The following NUP98 variants were observed in gnomAD, a reference collection of about 807,000 sequenced individuals.
NUP98 encodes nucleoporin 98 and 96 precursor, also known as nuclear pore complex protein Nup98-Nup96.
NUP98 carries 26 observed loss-of-function variants against 191.9 expected under a neutral mutation model. The ratio of observed to expected loss-of-function variants is 0.14; its 90% CI spans 0.10 to 0.19. NUP98 has a LOEUF of 0.19. Among genes scored for constraint, NUP98 ranks in the 10% least tolerant of loss-of-function variants. The pLI is 1.00. For synonymous variants in NUP98, 808 were observed against 778.4 expected, an observed-to-expected ratio of 1.04 and a Z score of -0.63; for missense variants, 1,941 against 2,178.8, an observed-to-expected ratio of 0.89 and a Z score of 2.17.
intron 1 of NUP98, among the ~76,000 whole-genome samples, chr11:3,786,082 T>G (rs1031921852): frequency 1.6e-4 from 24 of 152,294 alleles, no homozygotes; most frequent in African/African-American, 5.5e-4. Flanking sequence ...GTAGGTATTT[T>G]TATCTCTATT....
At chr11:3,775,847 A>G in intron 5 of NUP98, 35 bp downstream of exon 5, 1 of 1,599,318 alleles carries the variant, frequency 6.3e-7, no homozygotes, top group Non-Finnish European at 8.5e-7. Flanking sequence ...CATGCGGGAA[A>G]AAACATTCCA....
At position 3,735,343 on chromosome 11, in the gene NUP98, G is replaced by T; in HGVS notation, c.1409-19C>A. The stretch of plus-strand genomic sequence containing the variant: ...GTCAAAGCTTTTAAAAAAAAAAAAA[G>T]AAAACAAAATATATATATATATATA... On this transcript the variant is annotated intron_variant, in intron 12 of 32. Transcript: ENST00000324932. The T allele has an allele frequency of 8.2e-7, 1 of 1,217,856 alleles. No individual in the cohort carries two copies. Among genetic ancestry groups the T allele is most frequent in the Non-Finnish European group, 1.1e-6 (1 of 921,282 alleles). The allele number at this position is 1,217,856 out of a possible 1,614,324, so 75.4% of individuals were successfully genotyped here.
chr11:3,773,605 T>C, intron 6 of NUP98, 27 bp downstream of exon 6: 1 of 1,351,714 alleles, frequency 7.4e-7, no homozygotes, highest in Non-Finnish European at 1.0e-6. Flanking sequence ...AAGGTTAGAC[T>C]GACATTCTGT....
At chr11:3,757,286 C>T (rs1360324698) in intron 10 of NUP98, among the ~76,000 whole-genome samples, 3 of 151,678 alleles carry the variant, frequency 2.0e-5, no homozygotes, top group African/African-American at 4.8e-5. Flanking sequence ...CTCAGGAGTT[C>T]GAGGCCAGCC....
chr11:3,702,399 C>A (rs1160986723), intron 23 of NUP98, 64 bp downstream of exon 23: 2 of 1,265,382 alleles, frequency 1.6e-6, no homozygotes, highest in African/African-American at 3.1e-5. Context: ...GCCCTATCCT[C>A]CTGATTAGTT....
intron 25 of NUP98, among the ~76,000 whole-genome samples, chr11:3,697,900 G>A (rs1307593854): frequency 2.7e-5 from 4 of 150,762 alleles, no homozygotes; most frequent in African/African-American, 7.3e-5. Flanking sequence ...TTAGTGAAAG[G>A]GAACTTAAAG....
intron 14 of NUP98, among the ~76,000 whole-genome samples, chr11:3,725,669 C>T (rs2079588176): frequency 6.6e-6 from 1 of 152,184 alleles, no homozygotes; most frequent in African/African-American, 2.4e-5. Context: ...CATTTGCTGA[C>T]TAAAAAGTTT....
Position 3,763,022 on chromosome 11 carries a change from G to T in NUP98, c.966C>A (p.Thr322=). Residue 322 remains threonine (T), a synonymous_variant, in exon 9 of 33, where the codon ACC becomes ACA. Transcript: ENST00000324932. ...AAAGACCTCCAGGCTGTGAGGCTTG[G>T]GTTACTCCAAATAATCCCTGCAAAG... is the stretch of plus-strand genomic sequence containing the variant. ...STNTMGLFGV[T]QASQPGGLFG... The T allele has an allele frequency of 1.2e-6, 2 of 1,613,834 alleles. No individual in the cohort carries two copies. Among genetic ancestry groups the T allele is most frequent in the Non-Finnish European group, 1.7e-6 (2 of 1,179,976 alleles).
At chr11:3,720,545 T>C (rs981187902) in intron 17 of NUP98, among the ~76,000 whole-genome samples, 167 bp downstream of exon 17, 10 of 151,696 alleles carry the variant, frequency 6.6e-5, no homozygotes, top group Admixed American at 3.9e-4. Context: ...ATTTACATGG[T>C]TCCAGTCTTT....
chr11:3,757,341 G>A (rs2081002978), intron 10 of NUP98, among the ~76,000 whole-genome samples: 1 of 151,600 alleles, frequency 6.6e-6, no homozygotes, highest in Non-Finnish European at 1.5e-5. Flanking sequence ...ACAAAAATTA[G>A]CCAGGTGTGG....
rs748510613 is a variant in NUP98 at position 3,735,298 on chromosome 11, C to G, written c.1435G>C (p.Ala479Pro). 8.4e-6 allele frequency: 13 copies of G among 1,542,302 alleles called. No individual in the cohort carries two copies. The highest frequency in any genetic ancestry group is 1.8e-5 in the Admixed American group (1 of 56,614). The change falls in exon 13 of 33, where the codon GCC (alanine) becomes CCC (proline). Residue 479 changes from alanine to proline, a missense_variant. This residue lies in a region of NUP98 where 453 missense variants were observed against 438.2 expected (regional missense o/e 1.03). Coordinates refer to ENST00000324932, the MANE Select transcript of NUP98 (RefSeq NM_016320.5). ...TGCTGCTGGAGAACAGCCTGCTGGG[C>G]AGCAGAAGCATTTGGATCTGTCAAA... ...VALTDPNASA[A>P]QQAVLQQHIN... is the part of the protein sequence containing the mutation.
chr11:3,726,804 C>G (rs2134251506), intron 14 of NUP98, among the ~76,000 whole-genome samples: 1 of 149,630 alleles, frequency 6.7e-6, no homozygotes, highest in Non-Finnish European at 1.5e-5. Context: ...TTTTTTGAGA[C>G]AGGCTGGAGT....
At chr11:3,731,708 G>C (rs1379561488) in intron 13 of NUP98, 130 bp from the exon 14 acceptor site, 3 of 555,938 alleles carry the variant, frequency 5.4e-6, no homozygotes, top group Non-Finnish European at 8.9e-6. Flanking sequence ...TGAAGTCTCT[G>C]TTCCCATAAA....
At chr11:3,791,124 T>C (rs1202914850) in intron 1 of NUP98, among the ~76,000 whole-genome samples, 2 of 151,976 alleles carry the variant, frequency 1.3e-5, no homozygotes, top group Non-Finnish European at 2.9e-5. Context: ...CTCGATCTCC[T>C]GACCTTGTGA....
chr11:3,710,708 A>T (rs1564830344), intron 20 of NUP98, among the ~76,000 whole-genome samples: 1 of 152,178 alleles, frequency 6.6e-6, no homozygotes. Context: ...TTTGGTGCTA[A>T]TAACAAACCA....
chr11:3,767,640 G>A lies in NUP98; in HGVS notation c.948+941C>T, dbSNP rs149951092. ...CCAGCCCATACTTGTTTTTTAATCA[G>A]TAAAAGTATCTCTAATTTTAAGACG... On this transcript the variant is annotated intron_variant, in intron 8 of 32. Coordinates refer to ENST00000324932, the MANE Select transcript of NUP98 (RefSeq NM_016320.5). Among the ~76,000 whole-genome samples the A allele has an allele frequency of 3.0e-3, 458 of 152,116 alleles. 1 individual carries two copies. Among genetic ancestry groups the A allele is most frequent in the Middle Eastern group, 0.014 (4 of 294 alleles).
rs747869167 is a variant in NUP98, at chr11:3,740,516, CA to C, written c.1408+3992del. On this transcript the variant is annotated intron_variant, in intron 12 of 32. Coordinates refer to ENST00000324932, the MANE Select transcript of NUP98 (RefSeq NM_016320.5). ...TTGGGGAGAGAGCAAGACTCTGTCT[CA>C]AAAAAAAAAAAAGAAATGAAGTTTA... is the stretch of plus-strand genomic sequence containing the variant. Among the ~76,000 whole-genome samples, 719 of 128,586 alleles carry C rather than the reference CA, an allele frequency of 5.6e-3. 4 individuals carry two copies. The highest frequency in any genetic ancestry group is 0.015 in the African/African-American group (517 of 34,814). 84.4% of individuals were successfully genotyped at this position (128,586 alleles called of 152,430 possible). A position where few individuals can be genotyped will look rare whatever the true frequency, so the allele number is the denominator to read the frequency against.
Position 3,720,829 on chromosome 11 carries a change from T to TTAA in NUP98, c.2147-5_2147-4insTTA. 1 of 595,256 alleles carries TTAA rather than the reference T, an allele frequency of 1.7e-6. No individual in the cohort carries two copies. The highest frequency in any genetic ancestry group is 2.5e-6 in the Non-Finnish European group (1 of 399,678). 36.9% of individuals were successfully genotyped at this position (595,256 alleles called of 1,614,324 possible). A position where few individuals can be genotyped will look rare whatever the true frequency, so the allele number is the denominator to read the frequency against. On this transcript the variant is annotated splice_polypyrimidine_tract_variant and splice_region_variant and intron_variant, in intron 16 of 32. Coordinates refer to ENST00000324932, the MANE Select transcript of NUP98 (RefSeq NM_016320.5). ...CCAACCTTAGTGAGAATAATACCTG[T>TTAA]GACAAAAAAAAAAAAAAAAACAGAA...
rs761026936 is a variant in NUP98 at position 3,691,387 on chromosome 11, G to T, written c.4414C>A (p.Arg1472=). The T allele has an allele frequency of 6.2e-7, 1 of 1,614,106 alleles. No individual in the cohort carries two copies. The highest frequency in any genetic ancestry group is 2.2e-5 in the East Asian group (1 of 44,890). Residue 1472 remains arginine, a synonymous_variant, in exon 28 of 33, where the codon CGA becomes AGA. Transcript: ENST00000324932. ...TTTAGAAGGTGAAAGCAGACATCTC[G>T]AAGTGGTGTCTGTGAGTTTTGCTCC... ...AEEQNSQTPL[R]DVCFHLLKLY... is the part of the protein sequence containing the mutation.
Sources: allele counts gnomAD v4.1 joint callset (sites outside exome capture counted in the v4.1 genomes callset), GRCh38; gene constraint gnomAD v4.1.1; regional missense constraint gnomAD v4.1.1; transcripts MANE v1.5; gene names NCBI Gene and HGNC (gene_info 2026-07-23, HGNC 2026-07-21).